The following MTREX variants were observed in gnomAD, a reference collection of about 807,000 sequenced individuals.
The protein encoded by MTREX is exosome RNA helicase MTR4.
In MTREX, 76 loss-of-function variants were observed where a neutral mutation model predicts 135.4. That is an observed-to-expected ratio of 0.56 (90% CI 0.47 to 0.68). The LOEUF is 0.68. MTREX is among the 30% of genes least tolerant of loss of function. The pLI is 0.00. For missense variants in MTREX, 920 were observed against 1,262.1 expected, an observed-to-expected ratio of 0.73 and a Z score of 4.11; for synonymous variants, 404 against 401.6, an observed-to-expected ratio of 1.01 and a Z score of -0.07.
At chr5:55,379,314 T>A in intron 18 of MTREX, 119 bp downstream of exon 18, 1 of 590,172 alleles carries the variant, frequency 1.7e-6, no homozygotes, top group Non-Finnish European at 2.9e-6. Context: ...TAATAAATTC[T>A]GCCATGAGGA....
intron 15 of MTREX, among the ~76,000 whole-genome samples, chr5:55,360,609 G>A (rs1749992310): frequency 6.6e-6 from 1 of 152,142 alleles, no homozygotes; most frequent in Non-Finnish European, 1.5e-5. Context: ...ATTCTAGCCA[G>A]CACTTGTTAG....
At chr5:55,411,603 C>G (rs1750885048) in intron 23 of MTREX, among the ~76,000 whole-genome samples, 1 of 152,070 alleles carries the variant, frequency 6.6e-6, no homozygotes, top group African/African-American at 2.4e-5. Context: ...TAGATGGGTA[C>G]TTTTCTCAGG....
At chr5:55,404,808 TTC>T (rs1233173010) in intron 21 of MTREX, among the ~76,000 whole-genome samples, 33 of 149,120 alleles carry the variant, frequency 2.2e-4, no homozygotes, top group African/African-American at 7.6e-4. Flanking sequence ...TTTTTTTTTT[TTC>T]TTTTTTTTTT....
Position 55,395,171 on chromosome 5 carries a change from T to C in MTREX, c.2182-2245T>C, listed in dbSNP as rs990061279. Among the ~76,000 whole-genome samples, 12 of 151,912 alleles carry C rather than the reference T, an allele frequency of 7.9e-5. No individual in the cohort carries two copies. The South Asian group carries it at 2.1e-3, about 26-fold the overall frequency. On this transcript the variant is annotated intron_variant, in intron 19 of 26. Coordinates refer to ENST00000230640, the MANE Select transcript of MTREX (RefSeq NM_015360.5). ...CTTTAATCCCAGCACTGTGGGAGGC[T>C]GAGATGGGTGGATCACTTGAGGTCA...
At chr5:55,318,703 A>G (rs935540571) in intron 1 of MTREX, among the ~76,000 whole-genome samples, 2 of 152,096 alleles carry the variant, frequency 1.3e-5, no homozygotes, top group Admixed American at 6.6e-5. Context: ...AATATGTACA[A>G]CAAACCCCCA....
chr5:55,312,666 G>T (rs1468389889), intron 1 of MTREX, among the ~76,000 whole-genome samples: 2 of 152,002 alleles, frequency 1.3e-5, no homozygotes, highest in African/African-American at 2.4e-5. Flanking sequence ...TGTTTTTCTG[G>T]CTGAATAGTA....
At chr5:55,419,468 A>G (rs553280960) in intron 25 of MTREX, among the ~76,000 whole-genome samples, 1 of 152,330 alleles carries the variant, frequency 6.6e-6, no homozygotes, top group African/African-American at 2.4e-5. Context: ...CAGTTGAGAA[A>G]TTTTGAAGAC....
At chr5:55,369,152 A>G (rs1750155137) in intron 16 of MTREX, among the ~76,000 whole-genome samples, 1 of 151,936 alleles carries the variant, frequency 6.6e-6, no homozygotes, top group Non-Finnish European at 1.5e-5. Flanking sequence ...AATAATAAAG[A>G]TGAACAAGGT....
chr5:55,421,707 G>C (rs1040984139), intron 25 of MTREX, among the ~76,000 whole-genome samples: 7 of 152,128 alleles, frequency 4.6e-5, no homozygotes, highest in African/African-American at 1.4e-4. Context: ...AATGTGTCTG[G>C]CTCTTTAATG....
intron 7 of MTREX, among the ~76,000 whole-genome samples, chr5:55,342,895 C>T (rs1433370614): frequency 6.6e-6 from 1 of 152,206 alleles, no homozygotes; most frequent in African/African-American, 2.4e-5. Context: ...TTCATCAAGT[C>T]TTTCTTTCAT....
At chr5:55,410,373 C>T (rs1262543517) in intron 22 of MTREX, 151 bp from the exon 23 acceptor site, 1 of 423,344 alleles carries the variant, frequency 2.4e-6, no homozygotes, top group African/African-American at 2.0e-5. Flanking sequence ...TAAAGATCTA[C>T]TATGTCCTTA....
chr5:55,425,177 C>T lies in MTREX; in HGVS notation c.*405C>T, dbSNP rs1367688383. The T allele has an allele frequency of 6.3e-7, 1 of 1,596,504 alleles. No homozygotes were observed. The highest frequency in any genetic ancestry group is 8.5e-7 in the Non-Finnish European group (1 of 1,175,050). On this transcript the variant is annotated 3_prime_UTR_variant, in exon 27 of 27. Coordinates refer to ENST00000230640, the MANE Select transcript of MTREX (RefSeq NM_015360.5). The stretch of plus-strand genomic sequence containing the variant: ...CAATCATTTTCCTTTAGAAAACAGG[C>T]CAGCTTCACCTGGGCACCCTGCTGC...
chr5:55,381,221 T>C (rs1448249212), intron 18 of MTREX, among the ~76,000 whole-genome samples: 3 of 152,112 alleles, frequency 2.0e-5, no homozygotes, highest in African/African-American at 4.8e-5. Context: ...TGATTTTTTT[T>C]CCCTCTATTT....
Position 55,369,288 on chromosome 5 carries a change from G to C in MTREX, c.1810+2413G>C, listed in dbSNP as rs1750156534. On this transcript the variant is annotated intron_variant, in intron 16 of 26. Coordinates refer to ENST00000230640, the MANE Select transcript of MTREX (RefSeq NM_015360.5). ...GAAACAGGTGTAAGATTACAAGCTA[G>C]TTTAATACTTAAAAAAGGAAATTAA... 2.0e-5 allele frequency among the ~76,000 whole-genome samples: 3 copies of C among 152,160 alleles called. No individual in the cohort carries two copies. In the South Asian group the frequency reaches 6.2e-4, roughly 31 times the overall value.
chr5:55,424,789 G>A lies in MTREX; in HGVS notation c.*17G>A, dbSNP rs1477635726. 1 of 1,594,022 alleles carries A rather than the reference G, an allele frequency of 6.3e-7. No individual in the cohort carries two copies. The highest frequency in any genetic ancestry group is 8.6e-7 in the Non-Finnish European group (1 of 1,162,152). On this transcript the variant is annotated 3_prime_UTR_variant, in exon 27 of 27. Coordinates refer to ENST00000230640, the MANE Select transcript of MTREX (RefSeq NM_015360.5). Reference sequence around the variant, plus strand: ...TACTTGTAGAGTCAGCTAAAGGAATGTGAGATTTTAAATTATTGACCACCT... The same window carrying A: ...TACTTGTAGAGTCAGCTAAAGGAATATGAGATTTTAAATTATTGACCACCT...
intron 16 of MTREX, among the ~76,000 whole-genome samples, chr5:55,371,445 A>C (rs1750195737): frequency 6.6e-6 from 1 of 152,104 alleles, no homozygotes; most frequent in South Asian, 2.1e-4. Flanking sequence ...ATCTTCCTCG[A>C]GAGGAAGAAA....
Position 55,415,989 on chromosome 5 carries a change from C to G in MTREX, c.2828C>G (p.Ala943Gly). The change falls in exon 25 of 27, where the codon GCA (alanine) becomes GGA (glycine). Residue 943 changes from alanine (A) to glycine (G), a missense_variant. Coordinates refer to ENST00000230640, the MANE Select transcript of MTREX (RefSeq NM_015360.5). ...TTAAAGGAATGTGCTAAAAGAATTG[C>G]AAAAGTTTCAGCAGAAGCCAAATTG... ...RQMQECAKRI[A>G]KVSAEAKLEI... is the part of the protein sequence containing the mutation. The G allele has an allele frequency of 6.3e-7, 1 of 1,588,788 alleles. No homozygotes were observed. Among genetic ancestry groups the G allele is most frequent in the Non-Finnish European group, 8.5e-7 (1 of 1,172,012 alleles).
intron 1 of MTREX, among the ~76,000 whole-genome samples, chr5:55,314,181 GTAAC>G (rs1368166397): frequency 1.3e-5 from 2 of 152,210 alleles, no homozygotes; most frequent in African/African-American, 2.4e-5. Flanking sequence ...AGGTCAAAGA[GTAAC>G]TAAGTAGGCA....
intron 3 of MTREX, among the ~76,000 whole-genome samples, chr5:55,326,739 G>A (rs896992444): frequency 1.3e-5 from 2 of 152,062 alleles, no homozygotes; most frequent in Non-Finnish European, 2.9e-5. Context: ...GGGTACATGT[G>A]CAGAACATGC....
Sources: allele counts gnomAD v4.1 joint callset (sites outside exome capture counted in the v4.1 genomes callset), GRCh38; gene constraint gnomAD v4.1.1; transcripts MANE v1.5; gene names NCBI Gene and HGNC (gene_info 2026-07-23, HGNC 2026-07-21).